Variants in CABIN1 observed in about 807,000 individuals in gnomAD.
CABIN1 encodes calcineurin-binding protein cabin-1.
CABIN1 carries 133 observed loss-of-function variants against 227.7 expected under a neutral mutation model. The ratio of observed to expected loss-of-function variants is 0.58; its 90% CI spans 0.51 to 0.67. The LOEUF (loss-of-function observed/expected upper bound fraction) is 0.67, where lower values mean the gene tolerates loss of function less well. CABIN1 is among the 30% of genes least tolerant of loss of function. The probability of loss-of-function intolerance (pLI) is 0.00; values close to 1 mark genes in which losing one functional copy is unlikely to be tolerated. For synonymous variants in CABIN1, 1,086 were observed against 1,155.1 expected (o/e 0.94, Z 1.21); for missense variants, 2,408 against 2,852.5 (o/e 0.84, Z 3.55).
intron 1 of CABIN1, among the ~76,000 whole-genome samples, chr22:24,025,437 T>G (rs1192209605): frequency 2.0e-5 from 3 of 152,156 alleles, no homozygotes; most frequent in Non-Finnish European, 4.4e-5. Flanking sequence ...ATATACCAGT[T>G]CTACAGGGAT....
In CABIN1 at chr22:24,165,629, A is replaced by G; in HGVS notation, c.5007+3A>G. 3 of 1,610,992 alleles carry G rather than the reference A, an allele frequency of 1.9e-6. No homozygotes were observed. Among genetic ancestry groups the G allele is most frequent in the Non-Finnish European group, 2.5e-6 (3 of 1,178,816 alleles). On this transcript the variant is annotated splice_donor_region_variant and intron_variant, in intron 31 of 36. Transcript: ENST00000263119. ...ACACGCTGAGCGAGCTCGCAGAGGT[A>G]TGCCACCTGTGTCCTCCTCTCCTCC...
intron 1 of CABIN1, among the ~76,000 whole-genome samples, chr22:24,018,490 C>A (rs1313601179): frequency 6.6e-6 from 1 of 152,054 alleles, no homozygotes; most frequent in East Asian, 1.9e-4. Context: ...CAAGTTTATT[C>A]TTGTGAGTTA....
At chr22:24,064,280 A>G in intron 15 of CABIN1, 93 bp downstream of exon 15, 1 of 1,306,422 alleles carries the variant, frequency 7.7e-7, no homozygotes, top group Non-Finnish European at 1.1e-6. Flanking sequence ...ATCTCGGCTC[A>G]CTGCAACCTA....
At chr22:24,017,441 A>G (rs2035385669) in intron 1 of CABIN1, among the ~76,000 whole-genome samples, 1 of 152,172 alleles carries the variant, frequency 6.6e-6, no homozygotes, top group Non-Finnish European at 1.5e-5. Context: ...AACTTTTTTC[A>G]TCTTTTCAAA....
chr22:24,108,824 T>C (rs2042655839), intron 26 of CABIN1, among the ~76,000 whole-genome samples: 1 of 152,190 alleles, frequency 6.6e-6, no homozygotes, highest in Non-Finnish European at 1.5e-5. Flanking sequence ...CCCATCTACA[T>C]GGTGCTGCTT....
At chr22:24,126,187 T>C (rs1342304070) in intron 28 of CABIN1, among the ~76,000 whole-genome samples, 1 of 152,224 alleles carries the variant, frequency 6.6e-6, no homozygotes, top group Non-Finnish European at 1.5e-5. Flanking sequence ...ACTGAGTGGT[T>C]GTCACGCAGG....
At chr22:24,022,308 C>G (rs1443520772) in intron 1 of CABIN1, among the ~76,000 whole-genome samples, 1 of 152,120 alleles carries the variant, frequency 6.6e-6, no homozygotes, top group East Asian at 1.9e-4. Context: ...CTGATGTGTT[C>G]TCCATCACTA....
chr22:24,065,731 C>G (rs1034952319), intron 15 of CABIN1, among the ~76,000 whole-genome samples: 27 of 152,256 alleles, frequency 1.8e-4, no homozygotes, highest in Admixed American at 1.2e-3. Flanking sequence ...ACTGAGTGAA[C>G]GAGACTCCGT....
chr22:24,110,448 G>A (rs1461264201), intron 26 of CABIN1, among the ~76,000 whole-genome samples: 2 of 152,132 alleles, frequency 1.3e-5, no homozygotes, highest in East Asian at 1.9e-4. Context: ...TAGAAAAATC[G>A]AACATAAAAA....
intron 1 of CABIN1, among the ~76,000 whole-genome samples, chr22:24,012,714 G>A (rs2034915263): frequency 6.6e-6 from 1 of 152,102 alleles, no homozygotes; most frequent in Admixed American, 6.6e-5. Context: ...TGCTGGGCTG[G>A]GAGTCAGAAA....
At chr22:24,066,189 C>G (rs564906296) in intron 15 of CABIN1, among the ~76,000 whole-genome samples, 3 of 152,188 alleles carry the variant, frequency 2.0e-5, no homozygotes, top group African/African-American at 7.2e-5. Context: ...GTTGGGAAGA[C>G]AGGAGAGGCC....
intron 1 of CABIN1, among the ~76,000 whole-genome samples, chr22:24,021,694 TTTTTTGTTTTTG>T (rs1177506407): frequency 5.9e-5 from 9 of 152,078 alleles, no homozygotes; most frequent in Non-Finnish European, 1.0e-4. Context: ...TTATTCTTTG[TTTTTTGTTTTTG>T]TTTTTGTTTT....
At position 24,055,002 on chromosome 22, in the gene CABIN1, C is replaced by A; in HGVS notation, c.936C>A (p.Ser312=). 6.2e-7 allele frequency: 1 copy of A among 1,614,228 alleles called. No homozygotes were observed. The highest frequency in any genetic ancestry group is 1.7e-5 in the Admixed American group (1 of 60,022). Residue 312 remains serine, a synonymous_variant, in exon 9 of 37, where the codon TCC becomes TCA. Coordinates refer to ENST00000263119, the MANE Select transcript of CABIN1 (RefSeq NM_012295.4). ...AGGACCCCAGCCAGCCTCTTGAGTC[C>A]TCCATGGTGGTGACGCCAGTTAACG... ...DYQDPSQPLE[S]SMVVTPVNVI...
At chr22:24,084,858 G>T in intron 21 of CABIN1, 73 bp downstream of exon 21, 2 of 1,567,692 alleles carry the variant, frequency 1.3e-6, no homozygotes, top group Admixed American at 1.7e-5. Flanking sequence ...TGCTGTATAT[G>T]CTCCTTTGCT....
In CABIN1 at chr22:24,076,248, GT is replaced by G. The variant is rs2040433001; in HGVS notation, c.2713del (p.Cys905AlafsTer105). 6.2e-7 allele frequency: 1 copy of G among 1,614,046 alleles called. No individual in the cohort carries two copies. On this transcript the variant is annotated frameshift_variant, in exon 19 of 37. Transcript: ENST00000263119. LOFTEE classifies it high-confidence loss of function. Reference protein sequence around the residue: ...AHEYLGRRSWCCNSDGALLRF... With the variant: ...AHEYLGRRSWXCNSDGALLRF... ...ACGAGTATTTGGGCAGAAGGTCCTG[GT>G]GCTGCAATTCAGATGGGGCTCTGCT... is the stretch of plus-strand genomic sequence containing the variant.
Position 24,098,131 on chromosome 22 carries a change from C to CACTCCGAT in CABIN1, c.4057_4064dup (p.Asp1356LeufsTer29). ...GTCTGACATCCCCACCTTACACAGC[C>CACTCCGAT]ACTCCGATTGACCACGATTACGTCA... On this transcript the variant is annotated frameshift_variant, in exon 26 of 37. Coordinates refer to ENST00000263119, the MANE Select transcript of CABIN1 (RefSeq NM_012295.4). LOFTEE classifies it high-confidence loss of function. The CACTCCGAT allele has an allele frequency of 6.2e-7, 1 of 1,614,190 alleles. No homozygotes were observed. Among genetic ancestry groups the CACTCCGAT allele is most frequent in the East Asian group, 2.2e-5 (1 of 44,888 alleles).
chr22:24,036,061 G>A (rs900247538), intron 2 of CABIN1, 28 bp from the exon 3 acceptor site: 5 of 1,523,676 alleles, frequency 3.3e-6, no homozygotes, highest in African/African-American at 2.7e-5. Flanking sequence ...AAAGCAACTT[G>A]TCTCTTCCAC....
At chr22:24,049,051 T>C in intron 6 of CABIN1, 40 bp from the exon 7 acceptor site, 1 of 1,610,698 alleles carries the variant, frequency 6.2e-7, no homozygotes, top group East Asian at 2.2e-5. Flanking sequence ...AGCTTCTGAG[T>C]GCGGTCTCAG....
chr22:24,077,471 G>A (rs17004830), intron 19 of CABIN1, among the ~76,000 whole-genome samples: 9 of 152,134 alleles, frequency 5.9e-5, no homozygotes, highest in Non-Finnish European at 7.4e-5. Context: ...TTGTCCAGGA[G>A]ACCCATCTGG....
Sources: gnomAD v4.1 joint callset for allele counts (sites outside exome capture counted in the v4.1 genomes callset) on GRCh38, gnomAD v4.1.1 for gene constraint, MANE v1.5 for transcripts, NCBI Gene and HGNC (gene_info 2026-07-23, HGNC 2026-07-21) for gene names.